Variants in BEAN1 observed in about 807,000 individuals in gnomAD.
BEAN1 encodes brain expressed associated with NEDD4 1.
A neutral mutation model predicts 17.7 loss-of-function variants in BEAN1; 17 were observed. The observed-to-expected ratio is 0.96, with a 90% CI of 0.66 to 1.44. BEAN1 has a LOEUF of 1.44. BEAN1 is among the 40% of genes most tolerant of loss of function. BEAN1 has a pLI of 0.00. For missense variants in BEAN1, 359 were observed against 374.1 expected (o/e 0.96, Z 0.33); for synonymous variants, 142 against 151.8 (o/e 0.94, Z 0.47).
intron 2 of BEAN1, among the ~76,000 whole-genome samples, chr16:66,453,120 G>A (rs768187995): frequency 5.3e-5 from 8 of 151,962 alleles, no homozygotes; most frequent in Admixed American, 1.3e-4. Context: ...GTTGATTTCT[G>A]CTCTCATCTT....
intron 2 of BEAN1, among the ~76,000 whole-genome samples, chr16:66,447,811 A>G (rs1412953593): frequency 6.6e-6 from 1 of 152,214 alleles, no homozygotes; most frequent in Non-Finnish European, 1.5e-5. Flanking sequence ...CACACTACAG[A>G]TGTGGAAACT....
At chr16:66,431,441 G>A (rs1567478850) in intron 1 of BEAN1, among the ~76,000 whole-genome samples, 1 of 152,140 alleles carries the variant, frequency 6.6e-6, no homozygotes, top group Non-Finnish European at 1.5e-5. Context: ...CATGTTCATT[G>A]TAAGAAATAC....
chr16:66,473,290 C>T lies in BEAN1; in HGVS notation c.289+3425C>T, dbSNP rs1028636975. Among the ~76,000 whole-genome samples the T allele has an allele frequency of 1.3e-5, 2 of 152,020 alleles. No homozygotes were observed. The highest frequency in any genetic ancestry group is 4.8e-5 in the African/African-American group (2 of 41,368). ...TGACTGAGGTCACAGCTCTGCCAAG[C>T]GGGGTCAGGCCTTGGCTTCCCCACT... On this transcript the variant is annotated intron_variant, in intron 3 of 4. Coordinates refer to ENST00000536005, the MANE Select transcript of BEAN1 (RefSeq NM_001178020.3). This position sits in a 1 kb window ranked among gnomAD's most constrained non-coding sequence, Gnocchi z 4.5.
At chr16:66,474,595 AGGGAGGGAGAGAGGG>A (rs1963635717) in intron 3 of BEAN1, among the ~76,000 whole-genome samples, 2 of 15,552 alleles carry the variant, frequency 1.3e-4, no homozygotes, top group Non-Finnish European at 1.2e-4. Flanking sequence ...GGAGGGAGGG[AGGGAGGGAGAGAGGG>A]AGGGAGGAAG....
chr16:66,488,498 TAGTG>T (rs1350189675), intron 4 of BEAN1, among the ~76,000 whole-genome samples: 1 of 123,168 alleles, frequency 8.1e-6, no homozygotes, highest in Non-Finnish European at 1.6e-5. Context: ...CTGGGCAACA[TAGTG>T]AGACCTTATC....
intron 4 of BEAN1, among the ~76,000 whole-genome samples, chr16:66,491,886 T>C (rs142180955): frequency 6.6e-6 from 1 of 152,256 alleles, no homozygotes; most frequent in East Asian, 1.9e-4. Flanking sequence ...TAACAGACCA[T>C]AGACCAGTAC....
In BEAN1 at chr16:66,434,408, G is replaced by A. The variant is rs1961932346; in HGVS notation, c.-82-3187G>A. Among the ~76,000 whole-genome samples the A allele has an allele frequency of 6.6e-6, 1 of 152,176 alleles. No homozygotes were observed. Reference sequence around the variant, plus strand: ...CCCGACAAAGCTCTACCCTAGCAGAGGGTCTGATGCCACCAGGGAGTGGTT... The same window carrying A: ...CCCGACAAAGCTCTACCCTAGCAGAAGGTCTGATGCCACCAGGGAGTGGTT... On this transcript the variant is annotated intron_variant, in intron 1 of 4. Coordinates refer to ENST00000536005, the MANE Select transcript of BEAN1 (RefSeq NM_001178020.3). This position sits in a 1 kb window ranked among gnomAD's most constrained non-coding sequence, Gnocchi z 4.3.
chr16:66,480,186 T>A (rs1963931446), intron 4 of BEAN1, among the ~76,000 whole-genome samples: 1 of 151,990 alleles, frequency 6.6e-6, no homozygotes, highest in African/African-American at 2.4e-5. Context: ...TTTCCTAAAC[T>A]GAGAAGGGGA....
In BEAN1 at chr16:66,469,855, G is replaced by C; in HGVS notation, c.279G>C (p.Glu93Asp). The C allele has an allele frequency of 6.5e-7, 1 of 1,534,410 alleles. No individual in the cohort carries two copies. Among genetic ancestry groups the C allele is most frequent in the Non-Finnish European group, 8.7e-7 (1 of 1,146,532 alleles). ...HHRRRRHREY[E>D]HGYVSDEHTY... ...GCCGGCGTCGACACCGAGAGTACGAGCACGGCTACGGTGAGCCGCCGCCCA... is the reference window on the plus strand; with the variant it reads ...GCCGGCGTCGACACCGAGAGTACGACCACGGCTACGGTGAGCCGCCGCCCA... Residue 93 changes from glutamate (E) to aspartate (D), a missense_variant, in exon 3 of 5, where the codon GAG becomes GAC. By Grantham distance (45) the Glu-to-Asp change is conservative. Transcript: ENST00000536005.
At chr16:66,490,218 TAAAAAAAAAAAA>T (rs774079713) in intron 4 of BEAN1, among the ~76,000 whole-genome samples, 33 of 43,640 alleles carry the variant, frequency 7.6e-4, no homozygotes, top group African/African-American at 2.1e-3. Context: ...CCATCTCTAC[TAAAAAAAAAAAA>T]AAAAAAAAAA....
chr16:66,434,314 C>G lies in BEAN1; in HGVS notation c.-82-3281C>G, dbSNP rs934338100. ...TCCTCTCAGCAACTTCAGTCACATG[C>G]GTGCGGGACACCAGGATGGGCACTT... On this transcript the variant is annotated intron_variant, in intron 1 of 4. Transcript: ENST00000536005. The surrounding 1 kb of genome is among the most constrained non-coding windows in gnomAD (Gnocchi z 4.3). Among the ~76,000 whole-genome samples, 1 of 151,514 alleles carries G rather than the reference C, an allele frequency of 6.6e-6. No homozygotes were observed.
chr16:66,477,189 C>G (rs113770374), intron 3 of BEAN1, among the ~76,000 whole-genome samples: 1 of 152,160 alleles, frequency 6.6e-6, no homozygotes, highest in Non-Finnish European at 1.5e-5. Flanking sequence ...GCAGCCCCTC[C>G]TCCAGGAAGC....
intron 2 of BEAN1, among the ~76,000 whole-genome samples, chr16:66,442,119 C>A (rs1005692219): frequency 5.3e-5 from 8 of 152,236 alleles, no homozygotes; most frequent in Non-Finnish European, 1.2e-4. Flanking sequence ...TCTCTGCCAG[C>A]AAATACCAAG....
chr16:66,477,517 G>A lies in BEAN1; in HGVS notation c.290-43G>A, dbSNP rs747484092. On this transcript the variant is annotated intron_variant, in intron 3 of 4. Coordinates refer to ENST00000536005, the MANE Select transcript of BEAN1 (RefSeq NM_001178020.3). ...CTACAGACCCATAAGGACCATCCCT[G>A]GATCCTGGTCTGAGGCCCAGGCCGG... The A allele has an allele frequency of 1.4e-5, 21 of 1,484,722 alleles. No individual in the cohort carries two copies. In the South Asian group the frequency reaches 2.8e-4, roughly 20 times the overall value. 92.0% of individuals were successfully genotyped at this position (1,484,722 alleles called of 1,614,324 possible).
chr16:66,480,321 G>A (rs910197491), intron 4 of BEAN1, among the ~76,000 whole-genome samples: 5 of 152,128 alleles, frequency 3.3e-5, no homozygotes, highest in African/African-American at 7.2e-5. Context: ...TCGAGGCACC[G>A]CAGACCCAGG....
rs541996896 is a variant in BEAN1 at position 66,466,126 on chromosome 16, C to A, written c.26-3476C>A. Among the ~76,000 whole-genome samples, 163 of 152,212 alleles carry A rather than the reference C, an allele frequency of 1.1e-3. 1 individual carries two copies. The highest frequency in any genetic ancestry group is 1.6e-4 in the Non-Finnish European group (11 of 68,006). The stretch of plus-strand genomic sequence containing the variant: ...ACCGCAGCCGGCCAAATTTGTTAAT[C>A]TTTTTAAAGAACCAACTTCTGGGCC... On this transcript the variant is annotated intron_variant, in intron 2 of 4. Coordinates refer to ENST00000536005, the MANE Select transcript of BEAN1 (RefSeq NM_001178020.3).
rs138715926 is a variant in BEAN1 at position 66,471,972 on chromosome 16, G to A, written c.289+2107G>A. ...GTAGACCCAGGATGGTCAGTCTGCC[G>A]CCTGCCCCTCGCACAGCCTGGCCCT... On this transcript the variant is annotated intron_variant, in intron 3 of 4. Transcript: ENST00000536005. This position sits in a 1 kb window ranked among gnomAD's most constrained non-coding sequence, Gnocchi z 4.7. Among the ~76,000 whole-genome samples, 180 of 152,270 alleles carry A rather than the reference G, an allele frequency of 1.2e-3. No homozygotes were observed. Among genetic ancestry groups the A allele is most frequent in the African/African-American group, 4.0e-3 (168 of 41,550 alleles).
intron 2 of BEAN1, among the ~76,000 whole-genome samples, chr16:66,446,208 G>C (rs1426027823): frequency 6.6e-6 from 1 of 152,068 alleles, no homozygotes; most frequent in Admixed American, 6.6e-5. Flanking sequence ...AAAAAAAAGG[G>C]GGGACAGTGG....
intron 2 of BEAN1, among the ~76,000 whole-genome samples, chr16:66,460,047 C>T (rs1478431658): frequency 6.6e-6 from 1 of 152,182 alleles, no homozygotes; most frequent in African/African-American, 2.4e-5. Flanking sequence ...ACAGACTGCC[C>T]CTGGTCCAAT....
Sources: allele counts gnomAD v4.1 joint callset (sites outside exome capture counted in the v4.1 genomes callset), GRCh38; gene constraint gnomAD v4.1.1; non-coding constraint Gnocchi (gnomAD v3.1); transcripts MANE v1.5; gene names NCBI Gene and HGNC (gene_info 2026-07-23, HGNC 2026-07-21).